PGR: variants seen among roughly 807,000 people sequenced by gnomAD.
PGR encodes nuclear receptor subfamily 3 group C member 3.
Under a neutral mutation model 76.1 loss-of-function variants are expected in PGR, and 25 were observed. The observed-to-expected ratio is 0.33, with a 90% CI of 0.24 to 0.46. The LOEUF (loss-of-function observed/expected upper bound fraction) is 0.46. Ranked by LOEUF, PGR falls within the 20% of genes least tolerant of loss-of-function variation. PGR has a pLI of 1.00. For synonymous variants in PGR, 579 were observed against 535.0 expected, an observed-to-expected ratio of 1.08 and a Z score of -1.14; for missense variants, 1,172 against 1,225.3, an observed-to-expected ratio of 0.96 and a Z score of 0.65.
intron 4 of PGR, among the ~76,000 whole-genome samples, chr11:101,059,842 CA>C (rs781123527): frequency 0.14 from 8,741 of 62,576 alleles, 143 homozygotes; most frequent in East Asian, 0.22. Flanking sequence ...GACCCTCTCT[CA>C]AAAAAAAAAA....
intron 2 of PGR, among the ~76,000 whole-genome samples, chr11:101,118,111 A>T (rs1862565817): frequency 6.6e-6 from 1 of 152,212 alleles, no homozygotes; most frequent in Non-Finnish European, 1.5e-5. Context: ...TTGAAATCAA[A>T]GACTGTATCT....
intron 3 of PGR, chr11:101,063,367 G>A (rs982501873): frequency 1.3e-5 from 2 of 152,258 alleles, no homozygotes; most frequent in African/African-American, 4.8e-5. Context: ...TCTAAATTAA[G>A]GAAAGAGAAA....
At chr11:101,080,997 T>A (rs528418853) in intron 3 of PGR, among the ~76,000 whole-genome samples, 1 of 152,176 alleles carries the variant, frequency 6.6e-6, no homozygotes, top group African/African-American at 2.4e-5. Context: ...AAAAACCCTA[T>A]GAATTATTGG....
At chr11:101,084,818 G>A (rs1221362644) in intron 3 of PGR, among the ~76,000 whole-genome samples, 2 of 152,016 alleles carry the variant, frequency 1.3e-5, no homozygotes, top group South Asian at 2.1e-4. Flanking sequence ...AAAAGAGCAG[G>A]GGTTGCTATT....
At chr11:101,078,583 G>A (rs1305381329) in intron 3 of PGR, among the ~76,000 whole-genome samples, 1 of 152,162 alleles carries the variant, frequency 6.6e-6, no homozygotes, top group Non-Finnish European at 1.5e-5. Flanking sequence ...ACTCAGTGCT[G>A]TACAGCAGTG....
intron 1 of PGR, among the ~76,000 whole-genome samples, chr11:101,126,648 T>C (rs1055107699): frequency 6.6e-6 from 1 of 152,232 alleles, no homozygotes; most frequent in African/African-American, 2.4e-5. Context: ...TTTTAAAGTA[T>C]TGTCCAATAC....
At position 101,032,588 on chromosome 11, in the gene PGR, T is replaced by G. The variant is rs1383064714; in HGVS notation, c.*6528A>C. On this transcript the variant is annotated 3_prime_UTR_variant, in exon 8 of 8. Coordinates refer to ENST00000325455, the MANE Select transcript of PGR (RefSeq NM_000926.4). Reference sequence around the variant, plus strand: ...CCCTCCTGTTTGGAATACTCTTCTCTTCTTGCCTTTGGCATCTCCTCACCA... The same window carrying G: ...CCCTCCTGTTTGGAATACTCTTCTCGTCTTGCCTTTGGCATCTCCTCACCA... 4.4e-6 allele frequency: 1 copy of G among 229,756 alleles called. No homozygotes were observed. Among genetic ancestry groups the G allele is most frequent in the Non-Finnish European group, 8.6e-6 (1 of 115,942 alleles). The allele number at this position is 229,756 out of a possible 1,614,324, so 14.2% of individuals were successfully genotyped here.
At chr11:101,059,746 G>A (rs1263772652) in intron 4 of PGR, among the ~76,000 whole-genome samples, 3 of 150,650 alleles carry the variant, frequency 2.0e-5, no homozygotes, top group Non-Finnish European at 2.9e-5. Context: ...AGGAGGCTGA[G>A]GTGGTAGGAT....
intron 3 of PGR, among the ~76,000 whole-genome samples, chr11:101,082,574 C>A (rs1448088373): frequency 7.2e-6 from 1 of 139,830 alleles, no homozygotes; most frequent in Non-Finnish European, 1.7e-5. Flanking sequence ...TTATTGGGAA[C>A]TGGAGTAAAG....
Position 101,102,600 on chromosome 11 carries a change from G to C in PGR, c.1790-10724C>G, listed in dbSNP as rs184263201. Among the ~76,000 whole-genome samples the C allele has an allele frequency of 4.3e-3, 656 of 152,120 alleles. 8 individuals carry two copies. The highest frequency in any genetic ancestry group is 0.015 in the African/African-American group (636 of 41,474). On this transcript the variant is annotated intron_variant, in intron 2 of 7. Transcript: ENST00000325455. ...CAGCTGGACAATAACAAATCAGTAG[G>C]TTTTAAAATATCTTCATGAAGATCC...
chr11:101,101,642 C>A (rs1019294941), intron 2 of PGR, among the ~76,000 whole-genome samples: 1 of 152,140 alleles, frequency 6.6e-6, no homozygotes, highest in African/African-American at 2.4e-5. Context: ...CATGCTTCCA[C>A]CAAAACAACA....
chr11:101,118,198 C>G (rs1241886658), intron 2 of PGR, among the ~76,000 whole-genome samples: 1 of 152,200 alleles, frequency 6.6e-6, no homozygotes, highest in Non-Finnish European at 1.5e-5. Flanking sequence ...TGTTGACTAA[C>G]TGAACAAATC....
chr11:101,089,732 G>A (rs1308617949), intron 3 of PGR, among the ~76,000 whole-genome samples: 1 of 151,950 alleles, frequency 6.6e-6, no homozygotes, highest in Non-Finnish European at 1.5e-5. Context: ...AGGGAGGGAC[G>A]GAAAGGAGGG....
At chr11:101,121,532 T>C (rs796420691) in intron 2 of PGR, among the ~76,000 whole-genome samples, 6 of 152,360 alleles carry the variant, frequency 3.9e-5, no homozygotes, top group African/African-American at 1.4e-4. Flanking sequence ...CATAAAAGTA[T>C]TTCATTTCTG....
At chr11:101,089,817 G>A (rs570891054) in intron 3 of PGR, among the ~76,000 whole-genome samples, 14 of 152,276 alleles carry the variant, frequency 9.2e-5, no homozygotes, top group South Asian at 2.1e-4. Context: ...TGTGAAGCCC[G>A]TAGAATATGG....
At position 101,050,005 on chromosome 11, in the gene PGR, G is replaced by A. The variant is rs763099122; in HGVS notation, c.2412C>T (p.Ile804=). Residue 804 remains isoleucine (I), a synonymous_variant, in exon 6 of 8, where the codon ATC becomes ATT. Transcript: ENST00000325455. ...CTTGAAGCTTGACAAACTCCTGTGG[G>A]ATCTGCCACATGGTAAGGCATAATG... The part of the protein sequence containing the change: ...FYSLCLTMWQ[I]PQEFVKLQVS... The A allele has an allele frequency of 6.2e-7, 1 of 1,611,398 alleles. No homozygotes were observed. Among genetic ancestry groups the A allele is most frequent in the East Asian group, 2.2e-5 (1 of 44,742 alleles).
intron 2 of PGR, among the ~76,000 whole-genome samples, chr11:101,124,097 T>C (rs902759251): frequency 2.0e-5 from 3 of 152,192 alleles, no homozygotes; most frequent in Non-Finnish European, 4.4e-5. Flanking sequence ...ATAATCTTGT[T>C]CTAGTTTCAT....
intron 3 of PGR, among the ~76,000 whole-genome samples, chr11:101,085,551 C>CAAAAAAA (rs1861469163): frequency 1.7e-5 from 1 of 58,938 alleles, no homozygotes; most frequent in Non-Finnish European, 3.6e-5. Flanking sequence ...AAAAAAAAAA[C>CAAAAAAA]AAGAACAAAC....
intron 3 of PGR, among the ~76,000 whole-genome samples, chr11:101,067,314 C>G (rs1164110002): frequency 6.6e-6 from 1 of 151,964 alleles, no homozygotes; most frequent in Non-Finnish European, 1.5e-5. Context: ...CAAAGAATTC[C>G]TATAAATCAG....
Sources: allele counts gnomAD v4.1 joint callset (sites outside exome capture counted in the v4.1 genomes callset), GRCh38; gene constraint gnomAD v4.1.1; transcripts MANE v1.5; gene names NCBI Gene and HGNC (gene_info 2026-07-23, HGNC 2026-07-21).